Variants in CGNL1 observed in about 807,000 individuals in gnomAD.
CGNL1 encodes the protein cingulin-like protein 1.
A neutral mutation model predicts 141.2 loss-of-function variants in CGNL1; 132 were observed. The ratio of observed to expected loss-of-function variants is 0.93; its 90% CI spans 0.81 to 1.08. CGNL1 has a LOEUF of 1.08. CGNL1 is among the 50% of genes least tolerant of loss of function. The probability of loss-of-function intolerance (pLI) is 0.00; values close to 1 mark genes in which losing one functional copy is unlikely to be tolerated. For synonymous variants in CGNL1, 690 were observed against 622.1 expected (o/e 1.11, Z -1.63); for missense variants, 1,870 against 1,588.6 (o/e 1.18, Z -3.01).
At chr15:57,451,479 T>C (rs2063321092) in intron 4 of CGNL1, 21 bp from the exon 5 acceptor site, 2 of 1,521,308 alleles carry the variant, frequency 1.3e-6, no homozygotes, top group Admixed American at 1.7e-5. Context: ...TAAATTAGTA[T>C]ATCTTTGCAA....
chr15:57,460,656 T>G (rs2063434240), intron 7 of CGNL1, among the ~76,000 whole-genome samples: 1 of 152,112 alleles, frequency 6.6e-6, no homozygotes, highest in South Asian at 2.1e-4. Flanking sequence ...GGAAAGCCCC[T>G]TATAAAACCA....
chr15:57,509,209 C>T (rs1328486755), intron 8 of CGNL1, among the ~76,000 whole-genome samples: 1 of 152,194 alleles, frequency 6.6e-6, no homozygotes, highest in African/African-American at 2.4e-5. Flanking sequence ...TAGTACCTCT[C>T]AGCTGGGATC....
At chr15:57,463,273 G>A (rs1210916464) in intron 8 of CGNL1, among the ~76,000 whole-genome samples, 1 of 152,166 alleles carries the variant, frequency 6.6e-6, no homozygotes, top group Non-Finnish European at 1.5e-5. Context: ...TACTGTCAGA[G>A]ATATGTAAGT....
intron 10 of CGNL1, among the ~76,000 whole-genome samples, chr15:57,519,367 C>T (rs2031082860): frequency 6.6e-6 from 1 of 152,142 alleles, no homozygotes; most frequent in Admixed American, 6.5e-5. Context: ...GTGTTAAGAG[C>T]CGAGTCAGGT....
At chr15:57,412,579 C>T (rs2062801871) in intron 1 of CGNL1, among the ~76,000 whole-genome samples, 1 of 152,166 alleles carries the variant, frequency 6.6e-6, no homozygotes, top group African/African-American at 2.4e-5. Context: ...CCCTGTTTGC[C>T]TTCCTCCACC....
At chr15:57,380,436 A>T (rs2062411904) in intron 1 of CGNL1, among the ~76,000 whole-genome samples, 2 of 152,118 alleles carry the variant, frequency 1.3e-5, no homozygotes, top group Non-Finnish European at 2.9e-5. Flanking sequence ...TGGGGATGTA[A>T]ACCCTGGGTT....
At chr15:57,532,553 G>T (rs1443159444) in intron 14 of CGNL1, among the ~76,000 whole-genome samples, 1 of 152,132 alleles carries the variant, frequency 6.6e-6, no homozygotes, top group African/African-American at 2.4e-5. Context: ...TCTATAACAC[G>T]AGCATAACTC....
At chr15:57,463,229 G>A (rs2063468186) in intron 8 of CGNL1, among the ~76,000 whole-genome samples, 1 of 152,158 alleles carries the variant, frequency 6.6e-6, no homozygotes, top group Admixed American at 6.5e-5. Flanking sequence ...CTCACATGGG[G>A]TGGGGGCTAT....
In CGNL1 at chr15:57,376,532, G is replaced by T; in HGVS notation, c.-51G>T. 6.6e-6 allele frequency: 1 copy of T among 152,502 alleles called. No homozygotes were observed. Among genetic ancestry groups the T allele is most frequent in the South Asian group, 1.8e-4 (1 of 5,498 alleles). 9.4% of individuals were successfully genotyped at this position (152,502 alleles called of 1,614,324 possible). The stretch of plus-strand genomic sequence containing the variant: ...ACTCCGGCCGGGCTCTGCTGGCTGC[G>T]GCGGGAGCTGGACGCGGGAGGAGGC... On this transcript the variant is annotated 5_prime_UTR_variant, in exon 1 of 19. Coordinates refer to ENST00000281282, the MANE Select transcript of CGNL1 (RefSeq NM_032866.5).
At position 57,523,624 on chromosome 15, in the gene CGNL1, G is replaced by A. The variant is rs773267640; in HGVS notation, c.2851G>A (p.Glu951Lys). 3.1e-6 allele frequency: 5 copies of A among 1,614,130 alleles called. No individual in the cohort carries two copies. Among genetic ancestry groups the A allele is most frequent in the African/African-American group, 1.3e-5 (1 of 75,030 alleles). Residue 951 changes from glutamate (E) to lysine (K), a missense_variant, in exon 11 of 19, where the codon GAG becomes AAG. By Grantham distance (56) the Glu-to-Lys change is moderately conservative (BLOSUM62 1). Coordinates refer to ENST00000281282, the MANE Select transcript of CGNL1 (RefSeq NM_032866.5). ...NERWHLGKTI[E>K]KLQKEMADIV... Reference sequence around the variant, plus strand: ...GCGGTGGCACCTGGGCAAAACCATTGAGAAACTGCAGAAGGAGGTGAGGGG... The same window carrying A: ...GCGGTGGCACCTGGGCAAAACCATTAAGAAACTGCAGAAGGAGGTGAGGGG...
chr15:57,543,514 C>T (rs1026844353), intron 14 of CGNL1, among the ~76,000 whole-genome samples, 182 bp from the exon 15 acceptor site: 2 of 152,154 alleles, frequency 1.3e-5, no homozygotes, highest in African/African-American at 4.8e-5. Flanking sequence ...TTGCAATCAT[C>T]AAGAAACCAA....
intron 8 of CGNL1, among the ~76,000 whole-genome samples, chr15:57,494,600 C>T (rs755839168): frequency 1.3e-5 from 2 of 152,146 alleles, no homozygotes; most frequent in Non-Finnish European, 2.9e-5. Context: ...CGGCCCAATC[C>T]CATGAACTTT....
At chr15:57,389,929 T>C (rs1015186873) in intron 1 of CGNL1, among the ~76,000 whole-genome samples, 2 of 151,980 alleles carry the variant, frequency 1.3e-5, no homozygotes, top group African/African-American at 4.8e-5. Context: ...GATTCTTCTA[T>C]CTCAGCCTCC....
intron 8 of CGNL1, among the ~76,000 whole-genome samples, chr15:57,485,671 A>T (rs2063776647): frequency 6.6e-6 from 1 of 152,258 alleles, no homozygotes; most frequent in Non-Finnish European, 1.5e-5. Context: ...GTAAAAACAA[A>T]TGATAGAAAA....
chr15:57,539,995 A>G lies in CGNL1; in HGVS notation c.3292-3701A>G, dbSNP rs117004201. Among the ~76,000 whole-genome samples the G allele has an allele frequency of 5.0e-3, 768 of 152,282 alleles. 5 individuals are homozygous for G. Among genetic ancestry groups the G allele is most frequent in the South Asian group, 0.013 (62 of 4,822 alleles). ...CAGGACTTGCTTTCCTAAGCACAAT[A>G]AATCTGTGAGCAGCTGTCACAGTAT... On this transcript the variant is annotated intron_variant, in intron 14 of 18. Coordinates refer to ENST00000281282, the MANE Select transcript of CGNL1 (RefSeq NM_032866.5).
chr15:57,504,078 A>G (rs2064065987), intron 8 of CGNL1, among the ~76,000 whole-genome samples: 1 of 152,142 alleles, frequency 6.6e-6, no homozygotes, highest in South Asian at 2.1e-4. Flanking sequence ...CAGGAAACAG[A>G]GCCTCCGGGT....
chr15:57,438,838 G>T lies in CGNL1; in HGVS notation c.839G>T (p.Arg280Leu). 2 of 1,614,134 alleles carry T rather than the reference G, an allele frequency of 1.2e-6. No homozygotes were observed. The highest frequency in any genetic ancestry group is 1.7e-6 in the Non-Finnish European group (2 of 1,180,038). ...AGGCCAGATGTTCTTCCCTTCCGGC[G>T]ACAGGATTCAGCGGGACCCGTCCTG... ...KTRPDVLPFRRQDSAGPVLDG... is the reference protein window; with the variant it reads ...KTRPDVLPFRLQDSAGPVLDG... The change falls in exon 2 of 19, where the codon CGA (arginine) becomes CTA (leucine). Residue 280 changes from arginine (R) to leucine (L), a missense_variant. Arg to Leu is a moderately radical substitution (Grantham distance 102, BLOSUM62 -2). Coordinates refer to ENST00000281282, the MANE Select transcript of CGNL1 (RefSeq NM_032866.5).
chr15:57,539,130 G>T (rs146776665), intron 14 of CGNL1, among the ~76,000 whole-genome samples: 38 of 152,206 alleles, frequency 2.5e-4, no homozygotes, highest in African/African-American at 8.9e-4. Flanking sequence ...CCTCTGCTCT[G>T]CTGGCCGTTT....
At chr15:57,439,679 G>A in intron 2 of CGNL1, 78 bp downstream of exon 2, 4 of 1,382,036 alleles carry the variant, frequency 2.9e-6, no homozygotes, top group South Asian at 1.4e-5. Flanking sequence ...TGCTGCAGGA[G>A]GCCATAGGAA....
Sources: allele counts gnomAD v4.1 joint callset (sites outside exome capture counted in the v4.1 genomes callset), GRCh38; gene constraint gnomAD v4.1.1; transcripts MANE v1.5; gene names NCBI Gene and HGNC (gene_info 2026-07-23, HGNC 2026-07-21).